Variants in FBXW10B observed in about 807,000 individuals in gnomAD.
FBXW10B encodes the protein F-box and WD repeat domain containing 10B, also known as F-box and WD repeat domain containing protein 10B.
the FBXW10B span, chr17:15,619,577 G>A: frequency 6.4e-7 from 1 of 1,557,508 alleles, no homozygotes; most frequent in Non-Finnish European, 8.7e-7. Flanking sequence ...CCAAACACTA[G>A]AGGAACGGGG....
chr17:15,572,194 T>C, the FBXW10B span: 1 of 152,138 alleles, frequency 6.6e-6, no homozygotes, highest in African/African-American at 2.4e-5. Flanking sequence ...CACTTGGTTT[T>C]TCCTTGGGGA....
chr17:15,589,185 G>A, the FBXW10B span: 386 of 1,612,944 alleles, frequency 2.4e-4, no homozygotes, highest in African/African-American at 4.1e-3. Context: ...TCCATCCCAC[G>A]TTAATTCTTT....
chr17:15,593,232 C>A, the FBXW10B span: 1 of 1,575,010 alleles, frequency 6.3e-7, no homozygotes, highest in African/African-American at 1.4e-5. Context: ...ATTGCACACT[C>A]TCTCCTCCTG....
the FBXW10B span, chr17:15,598,666 G>A: frequency 3.1e-6 from 5 of 1,607,596 alleles, no homozygotes; most frequent in Non-Finnish European, 4.2e-6. Flanking sequence ...GCAGGAATCA[G>A]GCCAAAAGAA....
the FBXW10B span, among the ~76,000 whole-genome samples, chr17:15,617,493 C>T: frequency 6.6e-6 from 1 of 152,096 alleles, no homozygotes; most frequent in Non-Finnish European, 1.5e-5. Context: ...GATATTTGTC[C>T]CCTCCAAATC....
chr17:15,590,412 C>T, the FBXW10B span, among the ~76,000 whole-genome samples: 32,048 of 129,362 alleles, frequency 0.25, 2,707 homozygotes, highest in East Asian at 0.33. Flanking sequence ...AAGACTGAGG[C>T]GCCTGCAGCC....
the FBXW10B span, among the ~76,000 whole-genome samples, chr17:15,618,723 C>T: frequency 6.6e-6 from 1 of 152,156 alleles, no homozygotes; most frequent in African/African-American, 2.4e-5. Flanking sequence ...CCAGCCATTT[C>T]TGGGCCTATG....
the FBXW10B span, among the ~76,000 whole-genome samples, chr17:15,593,103 A>C: frequency 1.0e-5 from 1 of 98,492 alleles, no homozygotes; most frequent in East Asian, 3.0e-4. Context: ...ACTATGTCTC[A>C]AAAAAAAAAA....
chr17:15,594,691 T>C, the FBXW10B span: 1 of 1,586,920 alleles, frequency 6.3e-7, no homozygotes, highest in Non-Finnish European at 8.6e-7. Context: ...CAGTCTAGGC[T>C]ATGACGGGGA....
chr17:15,567,337 A>C, the FBXW10B span, among the ~76,000 whole-genome samples: 2 of 151,834 alleles, frequency 1.3e-5, no homozygotes, highest in East Asian at 3.9e-4. Context: ...TTGCAAACTC[A>C]AAAAGAGAAT....
the FBXW10B span, among the ~76,000 whole-genome samples, chr17:15,581,244 T>C: frequency 1.3e-5 from 2 of 152,204 alleles, no homozygotes; most frequent in Admixed American, 6.5e-5. Flanking sequence ...TATGGTTCCA[T>C]GAGGAAACCA....
At chr17:15,597,051 A>AT in the FBXW10B span, among the ~76,000 whole-genome samples, 2 of 139,986 alleles carry the variant, frequency 1.4e-5, no homozygotes, top group African/African-American at 5.5e-5. Context: ...GGCAGGTAAA[A>AT]TTAAAAAAAA....
the FBXW10B span, among the ~76,000 whole-genome samples, chr17:15,611,505 C>T: frequency 4.5e-3 from 678 of 152,274 alleles, 7 homozygotes; most frequent in Middle Eastern, 0.031. Flanking sequence ...AACTGATGAG[C>T]AGCTGGCCCT....
At chr17:15,589,693 TTAGTC>T in the FBXW10B span, among the ~76,000 whole-genome samples, 6 of 152,102 alleles carry the variant, frequency 3.9e-5, no homozygotes, top group African/African-American at 1.4e-4. Context: ...CACAGTCTAA[TTAGTC>T]AAGTAATTAG....
At chr17:15,618,215 C>A in the FBXW10B span, among the ~76,000 whole-genome samples, 1 of 152,086 alleles carries the variant, frequency 6.6e-6, no homozygotes, top group Non-Finnish European at 1.5e-5. Context: ...GTAGTCCCAG[C>A]TACTTGGGAG....
the FBXW10B span, among the ~76,000 whole-genome samples, chr17:15,604,079 C>CAAA: frequency 2.5e-4 from 30 of 121,848 alleles, 1 homozygote; most frequent in African/African-American, 5.4e-4. Context: ...GACTCTATCT[C>CAAA]AAAAAAAAAA....
chr17:15,615,372 A>AGT, the FBXW10B span, among the ~76,000 whole-genome samples: 2 of 123,920 alleles, frequency 1.6e-5, no homozygotes, highest in African/African-American at 7.0e-5. Flanking sequence ...CCCAGGCTGG[A>AGT]GTGCAGTGGC....
At chr17:15,612,869 C>A in the FBXW10B span, 2 of 1,600,930 alleles carry the variant, frequency 1.2e-6, no homozygotes, top group South Asian at 1.1e-5. Context: ...AAAATGGCTT[C>A]TCTTGGCTCC....
the FBXW10B span, among the ~76,000 whole-genome samples, chr17:15,608,038 C>T: frequency 6.6e-6 from 1 of 151,570 alleles, no homozygotes; most frequent in Admixed American, 6.6e-5. Context: ...GCCCTTTGAC[C>T]GACCATTTCA....
Sources: gnomAD v4.1 joint callset for allele counts (sites outside exome capture counted in the v4.1 genomes callset) on GRCh38, gnomAD v4.1.1 for gene constraint, MANE v1.5 for transcripts, NCBI Gene and HGNC (gene_info 2026-07-23, HGNC 2026-07-21) for gene names.